The following CNTN4 variants were observed in gnomAD, a reference collection of about 807,000 sequenced individuals.
CNTN4 encodes contactin-4.
A neutral mutation model predicts 122.5 loss-of-function variants in CNTN4; 77 were observed. The observed-to-expected ratio is 0.63, with a 90% CI of 0.52 to 0.76. The LOEUF (loss-of-function observed/expected upper bound fraction) is 0.76. Among genes scored for constraint, CNTN4 ranks in the 30% least tolerant of loss-of-function variants. The pLI, the probability that CNTN4 is intolerant of heterozygous loss-of-function variation, is 0.00. For missense variants in CNTN4, 1,256 were observed against 1,259.1 expected (o/e 1.00, Z 0.04); for synonymous variants, 512 against 447.0 (o/e 1.15, Z -1.83).
intron 4 of CNTN4, among the ~76,000 whole-genome samples, chr3:2,646,130 T>C (rs560261258): frequency 6.6e-6 from 1 of 152,332 alleles, no homozygotes; most frequent in African/African-American, 2.4e-5. Flanking sequence ...GAGAAAAATA[T>C]GTGCCTTTCT....
rs528297287 is a variant in CNTN4, at chr3:2,523,368, A to C, written c.-88-48048A>C. 1.8e-3 allele frequency among the ~76,000 whole-genome samples: 252 copies of C among 143,452 alleles called. 1 individual carries two copies. Among genetic ancestry groups the C allele is most frequent in the Non-Finnish European group, 2.5e-3 (157 of 63,046 alleles). The allele number at this position is 143,452 out of a possible 152,430, so 94.1% of individuals were successfully genotyped here. A position where few individuals can be genotyped will look rare whatever the true frequency, so the allele number is the denominator to read the frequency against. ...AAGCAAGAGACCTTAAAAAAAAAAA[A>C]AAAACAAAACTTTTTTCTATTTGTG... On this transcript the variant is annotated intron_variant, in intron 3 of 24. Transcript: ENST00000418658.
intron 3 of CNTN4, among the ~76,000 whole-genome samples, chr3:2,377,158 GAAAAAAAA>G (rs34629012): frequency 2.2e-5 from 3 of 138,990 alleles, no homozygotes; most frequent in Non-Finnish European, 4.6e-5. Flanking sequence ...CCATCTCAAG[GAAAAAAAA>G]AAAAAAAAGA....
chr3:2,488,452 T>TG (rs2076225548), intron 3 of CNTN4, among the ~76,000 whole-genome samples: 1 of 152,046 alleles, frequency 6.6e-6, no homozygotes, highest in Non-Finnish European at 1.5e-5. Context: ...GAGTGAGTGT[T>TG]GGGGGGTGTG....
chr3:2,723,211 G>T (rs943961589), intron 4 of CNTN4, among the ~76,000 whole-genome samples: 1 of 152,052 alleles, frequency 6.6e-6, no homozygotes, highest in African/African-American at 2.4e-5. Flanking sequence ...CAAGATTCTG[G>T]TGAGAGCTCC....
chr3:3,043,253 CA>C, intron 22 of CNTN4, 90 bp downstream of exon 22: 18 of 1,220,604 alleles, frequency 1.5e-5, no homozygotes, highest in East Asian at 4.7e-5. Context: ...TGATCATTTG[CA>C]TACTAATTAG....
chr3:2,272,870 G>A (rs2041356947), intron 2 of CNTN4, among the ~76,000 whole-genome samples: 1 of 151,852 alleles, frequency 6.6e-6, no homozygotes, highest in Admixed American at 6.6e-5. Flanking sequence ...TGGACTCTCA[G>A]ATGCTGCTTT....
chr3:2,683,699 A>G (rs1180604481), intron 4 of CNTN4, among the ~76,000 whole-genome samples: 1 of 152,140 alleles, frequency 6.6e-6, no homozygotes, highest in African/African-American at 2.4e-5. Flanking sequence ...AAGTCTTTTT[A>G]ATTATTTTGA....
chr3:2,747,091 C>CA (rs2089809330), intron 6 of CNTN4, among the ~76,000 whole-genome samples: 24 of 121,296 alleles, frequency 2.0e-4, no homozygotes, highest in African/African-American at 7.9e-4. Flanking sequence ...CAGTATAACA[C>CA]CAAAAAAAAA....
chr3:2,447,796 G>A (rs529853870), intron 3 of CNTN4, among the ~76,000 whole-genome samples: 1 of 152,044 alleles, frequency 6.6e-6, no homozygotes, highest in Non-Finnish European at 1.5e-5. Context: ...TACTTCTTAT[G>A]TGTTGGGTTC....
intron 4 of CNTN4, among the ~76,000 whole-genome samples, chr3:2,734,209 T>C (rs556159374): frequency 6.6e-6 from 1 of 152,184 alleles, no homozygotes; most frequent in Non-Finnish European, 1.5e-5. Context: ...TAGAGGCGCA[T>C]GCCACCAAGC....
At chr3:2,809,116 T>C (rs540132523) in intron 6 of CNTN4, among the ~76,000 whole-genome samples, 2 of 152,168 alleles carry the variant, frequency 1.3e-5, no homozygotes, top group Admixed American at 1.3e-4. Flanking sequence ...ATGGAGACAG[T>C]AAAAAAGAAA....
intron 6 of CNTN4, among the ~76,000 whole-genome samples, chr3:2,816,446 C>T (rs897891301): frequency 6.6e-6 from 1 of 151,714 alleles, no homozygotes; most frequent in Non-Finnish European, 1.5e-5. Flanking sequence ...GGAAGTGGGG[C>T]AAGGGATAAA....
At chr3:2,786,678 C>G (rs1386424352) in intron 6 of CNTN4, among the ~76,000 whole-genome samples, 1 of 152,152 alleles carries the variant, frequency 6.6e-6, no homozygotes, top group Non-Finnish European at 1.5e-5. Context: ...AAGTCATTAT[C>G]ATGTTCTGGA....
intron 6 of CNTN4, among the ~76,000 whole-genome samples, chr3:2,818,674 A>G (rs1373490052): frequency 6.6e-6 from 1 of 152,194 alleles, no homozygotes; most frequent in Non-Finnish European, 1.5e-5. Context: ...CATATTTCTT[A>G]TATTAACTCA....
intron 2 of CNTN4, among the ~76,000 whole-genome samples, chr3:2,211,766 C>G (rs1367430289): frequency 6.6e-6 from 1 of 152,086 alleles, no homozygotes; most frequent in Non-Finnish European, 1.5e-5. Context: ...TCATGAGTCA[C>G]CAACCCATTT....
intron 4 of CNTN4, among the ~76,000 whole-genome samples, chr3:2,695,817 C>G (rs1340148423): frequency 2.6e-5 from 4 of 151,982 alleles, no homozygotes; most frequent in Non-Finnish European, 5.9e-5. Flanking sequence ...AGAAGTGTCA[C>G]CAGAGTTGAG....
intron 3 of CNTN4, among the ~76,000 whole-genome samples, chr3:2,368,496 C>G (rs192994732): frequency 5.8e-4 from 88 of 152,212 alleles, no homozygotes; most frequent in African/African-American, 1.9e-3. Flanking sequence ...TGTGCAAGTT[C>G]TCTTGCTATT....
At chr3:2,391,446 C>T (rs913483735) in intron 3 of CNTN4, among the ~76,000 whole-genome samples, 2 of 152,116 alleles carry the variant, frequency 1.3e-5, no homozygotes, top group Non-Finnish European at 2.9e-5. Context: ...GATGGAAAAG[C>T]TTTGGTATTA....
At chr3:2,255,348 AC>A (rs1221320568) in intron 2 of CNTN4, among the ~76,000 whole-genome samples, 7 of 152,054 alleles carry the variant, frequency 4.6e-5, no homozygotes, top group Non-Finnish European at 1.0e-4. Context: ...AGACTTTAAC[AC>A]CCCACTGTCA....
Sources: allele counts gnomAD v4.1 joint callset (sites outside exome capture counted in the v4.1 genomes callset), GRCh38; gene constraint gnomAD v4.1.1; transcripts MANE v1.5; gene names NCBI Gene and HGNC (gene_info 2026-07-23, HGNC 2026-07-21).